Variants in CHD6 observed in about 807,000 individuals in gnomAD.
CHD6 encodes the protein chromodomain helicase DNA binding protein 6.
A neutral mutation model predicts 276.9 loss-of-function variants in CHD6; 50 were observed. That is an observed-to-expected ratio of 0.18 (90% confidence interval 0.14 to 0.23). CHD6 has a LOEUF of 0.23. CHD6 is among the 10% of genes least tolerant of loss of function. The probability of loss-of-function intolerance (pLI) is 1.00; values close to 1 mark genes in which losing one functional copy is unlikely to be tolerated. For synonymous variants in CHD6, 1,173 were observed against 1,229.3 expected, an observed-to-expected ratio of 0.95 and a Z score of 0.96; for missense variants, 2,564 against 3,365.8, an observed-to-expected ratio of 0.76 and a Z score of 5.89.
At chr20:41,426,244 G>A (rs1181289151) in intron 27 of CHD6, 91 bp from the exon 28 acceptor site, 3 of 888,424 alleles carry the variant, frequency 3.4e-6, no homozygotes, top group Admixed American at 3.4e-5. Flanking sequence ...TAAGCATCAC[G>A]CATAAGAGCT....
In CHD6 at chr20:41,509,221, A is replaced by G. The variant is rs114078770; in HGVS notation, c.852+3625T>C. Among the ~76,000 whole-genome samples the G allele has an allele frequency of 9.1e-3, 1,383 of 152,254 alleles. 23 individuals are homozygous for G. Among genetic ancestry groups the G allele is most frequent in the African/African-American group, 0.03 (1,255 of 41,532 alleles). ...CTCAATCTAGACTTAGGGAATAATA[A>G]TTATAATAGTGAAAAACATTATCAA... is the stretch of plus-strand genomic sequence containing the variant. On this transcript the variant is annotated intron_variant, in intron 5 of 36. Transcript: ENST00000373233.
chr20:41,420,736 G>C lies in CHD6; in HGVS notation c.5899C>G (p.Leu1967Val), dbSNP rs1014433432. The change falls in exon 31 of 37, where the codon CTG becomes GTG. Residue 1967 changes from leucine to valine, a missense_variant. This residue lies in a region of CHD6 where 1,024 missense variants were observed against 1,047.9 expected (regional missense o/e 0.98). Coordinates refer to ENST00000373233, the MANE Select transcript of CHD6 (RefSeq NM_032221.5). ...IEKPKAYIPD[L>V]FKSKTNTIAM... is the part of the protein sequence containing the mutation. Reference sequence around the variant, plus strand: ...ATAGTATTGGTTTTACTTTTGAACAGATCTGGGATATAAGCCTTGGGTTTC... The same window carrying C: ...ATAGTATTGGTTTTACTTTTGAACACATCTGGGATATAAGCCTTGGGTTTC... 3 of 1,614,120 alleles carry C rather than the reference G, an allele frequency of 1.9e-6. No individual in the cohort carries two copies. In the African/African-American group the frequency reaches 4.0e-5, roughly 22 times the overall value.
intron 3 of CHD6, among the ~76,000 whole-genome samples, chr20:41,519,475 T>C (rs984454694): frequency 6.6e-6 from 1 of 152,204 alleles, no homozygotes; most frequent in African/African-American, 2.4e-5. Flanking sequence ...TAATGAAAAC[T>C]ACCTATCTAA....
chr20:41,556,724 G>T (rs570707808), intron 1 of CHD6, among the ~76,000 whole-genome samples: 110 of 152,264 alleles, frequency 7.2e-4, no homozygotes, highest in Non-Finnish European at 1.3e-3. Context: ...ACACCAGCAT[G>T]CTGCCACCCC....
chr20:41,608,924 A>C (rs1046713646), intron 1 of CHD6, among the ~76,000 whole-genome samples: 4 of 152,242 alleles, frequency 2.6e-5, no homozygotes, highest in African/African-American at 9.6e-5. Flanking sequence ...CTGCAGACAC[A>C]AAGTGCAGAT....
At chr20:41,491,309 T>C (rs1368927101) in intron 11 of CHD6, among the ~76,000 whole-genome samples, 2 of 148,536 alleles carry the variant, frequency 1.3e-5, no homozygotes, top group South Asian at 2.1e-4. Context: ...CATATATATA[T>C]ATATATATTC....
intron 1 of CHD6, among the ~76,000 whole-genome samples, chr20:41,599,371 T>C (rs1396068596): frequency 6.6e-6 from 1 of 152,174 alleles, no homozygotes; most frequent in African/African-American, 2.4e-5. Flanking sequence ...AATTCTGGAA[T>C]AGATTACCCC....
intron 10 of CHD6, among the ~76,000 whole-genome samples, chr20:41,492,354 G>C (rs755237170): frequency 6.6e-6 from 1 of 152,182 alleles, no homozygotes; most frequent in Non-Finnish European, 1.5e-5. Flanking sequence ...TCTAATCACA[G>C]TTCTGCATCT....
At chr20:41,602,242 C>T (rs1442028474) in intron 1 of CHD6, among the ~76,000 whole-genome samples, 1 of 152,204 alleles carries the variant, frequency 6.6e-6, no homozygotes, top group Non-Finnish European at 1.5e-5. Context: ...GAATTTCAGG[C>T]TCTACTGTCT....
chr20:41,452,987 A>G lies in CHD6; in HGVS notation c.3121-45T>C. 6.9e-7 allele frequency: 1 copy of G among 1,448,014 alleles called. No individual in the cohort carries two copies. The highest frequency in any genetic ancestry group is 9.7e-7 in the Non-Finnish European group (1 of 1,030,408). The allele number at this position is 1,448,014 out of a possible 1,614,324, so 89.7% of individuals were successfully genotyped here. ...CTGGGAAGAAAGTCCTCTTTTCTCTACTCCTTTCACAAAGCATAAGTGTAT... is the reference window on the plus strand; with the variant it reads ...CTGGGAAGAAAGTCCTCTTTTCTCTGCTCCTTTCACAAAGCATAAGTGTAT... On this transcript the variant is annotated intron_variant, in intron 20 of 36. Coordinates refer to ENST00000373233, the MANE Select transcript of CHD6 (RefSeq NM_032221.5). The surrounding 1 kb of genome is among the most constrained non-coding windows in gnomAD (Gnocchi z 4.2).
chr20:41,589,693 A>G (rs887249155), intron 1 of CHD6, among the ~76,000 whole-genome samples: 1 of 152,252 alleles, frequency 6.6e-6, no homozygotes, highest in Non-Finnish European at 1.5e-5. Flanking sequence ...GGAGAACTAC[A>G]AATCACTGCT....
At chr20:41,612,974 T>C (rs1183030445) in intron 1 of CHD6, among the ~76,000 whole-genome samples, 1 of 152,194 alleles carries the variant, frequency 6.6e-6, no homozygotes, top group Non-Finnish European at 1.5e-5. Flanking sequence ...CAGAATTTTT[T>C]CATTACTCTA....
At chr20:41,456,785 A>G (rs1001080437) in intron 18 of CHD6, among the ~76,000 whole-genome samples, 2 of 152,194 alleles carry the variant, frequency 1.3e-5, no homozygotes, top group Admixed American at 1.3e-4. Flanking sequence ...CAAAGGGGGA[A>G]AAATATTTTA....
intron 14 of CHD6, chr20:41,485,687 T>TG (rs1260905027): frequency 6.9e-6 from 1 of 145,000 alleles, no homozygotes; most frequent in Admixed American, 7.0e-5. Context: ...TACCAGGGAC[T>TG]GGGGGGTGGG....
chr20:41,553,611 G>C (rs367894304), intron 1 of CHD6, among the ~76,000 whole-genome samples: 2 of 152,360 alleles, frequency 1.3e-5, no homozygotes, highest in Non-Finnish European at 2.9e-5. Context: ...TGCAGGACAC[G>C]GCAGTGAGGA....
chr20:41,417,399 T>G, intron 31 of CHD6, 50 bp from the exon 32 acceptor site: 1 of 1,515,158 alleles, frequency 6.6e-7, no homozygotes, highest in Non-Finnish European at 9.0e-7. Context: ...AGTAGTGAGA[T>G]ACTAGTGATC....
Position 41,454,859 on chromosome 20 carries a change from C to G in CHD6, c.3010-123G>C, listed in dbSNP as rs940895938. ...TTTGCATTCAAAATCAAACCCTTAA[C>G]AGAGCTTCCAAAATGAATTGAAAAT... On this transcript the variant is annotated intron_variant, in intron 19 of 36. Coordinates refer to ENST00000373233, the MANE Select transcript of CHD6 (RefSeq NM_032221.5). The G allele has an allele frequency of 4.1e-5, 22 of 538,124 alleles. No individual in the cohort carries two copies. The African/African-American group carries it at 4.2e-4, about 10-fold the overall frequency. 33.3% of individuals were successfully genotyped at this position (538,124 alleles called of 1,614,324 possible).
At chr20:41,499,127 T>C (rs932612495) in intron 6 of CHD6, among the ~76,000 whole-genome samples, 168 bp downstream of exon 6, 2 of 152,230 alleles carry the variant, frequency 1.3e-5, no homozygotes, top group Non-Finnish European at 2.9e-5. Context: ...TTTTATGTCC[T>C]AAAATGCTCT....
chr20:41,488,207 TAA>T (rs1211682581), intron 13 of CHD6, among the ~76,000 whole-genome samples: 1 of 152,216 alleles, frequency 6.6e-6, no homozygotes, highest in Non-Finnish European at 1.5e-5. Flanking sequence ...AGAGTCCTCC[TAA>T]GTCTATGGAA....
Sources: allele counts gnomAD v4.1 joint callset (sites outside exome capture counted in the v4.1 genomes callset), GRCh38; gene constraint gnomAD v4.1.1; regional missense constraint gnomAD v4.1.1; non-coding constraint Gnocchi (gnomAD v3.1); transcripts MANE v1.5; gene names NCBI Gene and HGNC (gene_info 2026-07-23, HGNC 2026-07-21).